SPON1: variants seen among roughly 807,000 people sequenced by gnomAD.
SPON1 encodes the protein spondin-1.
Under a neutral mutation model 111.7 loss-of-function variants are expected in SPON1, and 52 were observed. The observed-to-expected ratio is 0.47, with a 90% CI of 0.37 to 0.59. The LOEUF (loss-of-function observed/expected upper bound fraction) is 0.59, where lower values mean the gene tolerates loss of function less well. SPON1 is among the 20% of genes least tolerant of loss of function. SPON1 has a pLI of 0.00. For missense variants in SPON1, 957 were observed against 1,068.5 expected, an observed-to-expected ratio of 0.90 and a Z score of 1.46; for synonymous variants, 410 against 395.8, an observed-to-expected ratio of 1.04 and a Z score of -0.43.
intron 5 of SPON1, among the ~76,000 whole-genome samples, chr11:14,098,239 G>A (rs373202555): frequency 2.2e-4 from 33 of 152,286 alleles, no homozygotes; most frequent in African/African-American, 5.3e-4. Context: ...CTTGTGATCC[G>A]CCTGCCTCGG....
At chr11:14,101,043 T>C (rs1026185586) in intron 5 of SPON1, among the ~76,000 whole-genome samples, 1 of 152,236 alleles carries the variant, frequency 6.6e-6, no homozygotes, top group African/African-American at 2.4e-5. Flanking sequence ...TGTTTTTTGC[T>C]GTCTCTTTGA....
intron 3 of SPON1, among the ~76,000 whole-genome samples, chr11:14,048,876 C>T (rs55736726): frequency 0.095 from 14,529 of 152,248 alleles, 772 homozygotes; most frequent in Middle Eastern, 0.14. Flanking sequence ...CTTGTCCCTT[C>T]CTGGAAGGGT....
Position 14,244,181 on chromosome 11 carries a change from C to A in SPON1, c.890+785C>A, listed in dbSNP as rs1443428134. On this transcript the variant is annotated intron_variant, in intron 7 of 15. Transcript: ENST00000576479. Reference sequence around the variant, plus strand: ...CACCTTTTTCCTTTGCTGTAGTCTCCCTCAGTCCAATTCCTCATCCACAGT... The same window carrying A: ...CACCTTTTTCCTTTGCTGTAGTCTCACTCAGTCCAATTCCTCATCCACAGT... Among the ~76,000 whole-genome samples the A allele has an allele frequency of 2.6e-5, 4 of 152,250 alleles. No homozygotes were observed. In the South Asian group the frequency reaches 8.3e-4, roughly 32 times the overall value.
At chr11:14,234,966 G>C (rs1362489095) in intron 6 of SPON1, among the ~76,000 whole-genome samples, 1 of 152,234 alleles carries the variant, frequency 6.6e-6, no homozygotes, top group Non-Finnish European at 1.5e-5. Context: ...ACGGGGCATA[G>C]AATGAGCACT....
chr11:14,089,008 T>A (rs1849029187), intron 5 of SPON1, among the ~76,000 whole-genome samples: 1 of 151,996 alleles, frequency 6.6e-6, no homozygotes, highest in Non-Finnish European at 1.5e-5. Flanking sequence ...CTAAACTGGT[T>A]ATTCTAGTTA....
At chr11:14,012,849 G>A (rs1848416494) in intron 2 of SPON1, among the ~76,000 whole-genome samples, 2 of 152,090 alleles carry the variant, frequency 1.3e-5, no homozygotes, top group South Asian at 4.1e-4. Context: ...TTGGCTCTCG[G>A]TAGTTAATAA....
chr11:14,134,483 C>A (rs1847567581), intron 5 of SPON1, among the ~76,000 whole-genome samples: 1 of 152,178 alleles, frequency 6.6e-6, no homozygotes, highest in African/African-American at 2.4e-5. Context: ...CCACTGCAGC[C>A]ACCATCCCAT....
At position 14,117,025 on chromosome 11, in the gene SPON1, A is replaced by G. The variant is rs112933101; in HGVS notation, c.677-18395A>G. Among the ~76,000 whole-genome samples the G allele has an allele frequency of 6.9e-3, 1,058 of 152,312 alleles. 10 individuals are homozygous for G. Among genetic ancestry groups the G allele is most frequent in the African/African-American group, 0.025 (1,019 of 41,584 alleles). Reference sequence around the variant, plus strand: ...TTCCAGTTGTTTGTCACTGGTATATAGGAATAAAATTGACTTTTGTATTTT... The same window carrying G: ...TTCCAGTTGTTTGTCACTGGTATATGGGAATAAAATTGACTTTTGTATTTT... On this transcript the variant is annotated intron_variant, in intron 5 of 15. Coordinates refer to ENST00000576479, the MANE Select transcript of SPON1 (RefSeq NM_006108.4).
intron 5 of SPON1, among the ~76,000 whole-genome samples, chr11:14,094,509 T>C (rs1268126553): frequency 2.6e-5 from 4 of 152,170 alleles, no homozygotes; most frequent in Non-Finnish European, 5.9e-5. Context: ...ATTAATCTTA[T>C]TTTAAATTGG....
intron 6 of SPON1, among the ~76,000 whole-genome samples, chr11:14,150,893 G>A (rs1847779859): frequency 6.6e-6 from 1 of 152,168 alleles, no homozygotes; most frequent in Non-Finnish European, 1.5e-5. Flanking sequence ...CTCAGTAGAT[G>A]CTAAAATTAC....
chr11:13,969,421 G>C (rs1564875739), intron 1 of SPON1, among the ~76,000 whole-genome samples: 1 of 151,942 alleles, frequency 6.6e-6, no homozygotes, highest in Non-Finnish European at 1.5e-5. Context: ...GGAGTGCTGG[G>C]GTGTGTATGT....
At chr11:14,243,503 C>G (rs1554939944) in intron 7 of SPON1, 107 bp downstream of exon 7, 2 of 919,510 alleles carry the variant, frequency 2.2e-6, no homozygotes, top group Non-Finnish European at 3.5e-6. Context: ...GTTAGCACTA[C>G]TTCTCAGTTA....
At chr11:14,160,257 G>A (rs151195881) in intron 6 of SPON1, among the ~76,000 whole-genome samples, 3 of 145,052 alleles carry the variant, frequency 2.1e-5, no homozygotes, top group African/African-American at 7.6e-5. Flanking sequence ...ATAAACTCAG[G>A]ATGTTTTATC....
chr11:14,168,747 TGG>T (rs1848063421), intron 6 of SPON1, among the ~76,000 whole-genome samples: 1 of 150,550 alleles, frequency 6.6e-6, no homozygotes, highest in Non-Finnish European at 1.5e-5. Context: ...TGAGAACATG[TGG>T]TGTTTGGTTT....
In SPON1 at chr11:14,255,729, C is replaced by T. The variant is rs782026216; in HGVS notation, c.1175C>T (p.Pro392Leu). The T allele has an allele frequency of 6.2e-6, 10 of 1,613,760 alleles. No individual in the cohort carries two copies. In the South Asian group the frequency reaches 9.9e-5, roughly 16 times the overall value. The stretch of plus-strand genomic sequence containing the variant: ...CATCCTCAGAGTCCTTTCTATGACC[C>T]AGAGGGTGGGTCCATCACTCAAGTA... ...LDHPQSPFYD[P>L]EGGSITQVAR... Residue 392 changes from proline to leucine, a missense_variant, in exon 9 of 16, where the codon CCA (proline) becomes CTA (leucine). By Grantham distance (98) the Pro-to-Leu change is moderately conservative. Around this residue, in one of 5 missense-constraint regions of SPON1, gnomAD observed 549 missense variants for 606.2 expected, o/e 0.91. Coordinates refer to ENST00000576479, the MANE Select transcript of SPON1 (RefSeq NM_006108.4).
chr11:14,076,375 G>T (rs1394618409), intron 4 of SPON1, among the ~76,000 whole-genome samples: 1 of 152,158 alleles, frequency 6.6e-6, no homozygotes, highest in African/African-American at 2.4e-5. Flanking sequence ...CTAAGAAAAA[G>T]AAAGGTTGAT....
At chr11:14,137,182 T>A (rs1286544047) in intron 6 of SPON1, among the ~76,000 whole-genome samples, 17 of 152,320 alleles carry the variant, frequency 1.1e-4, no homozygotes, top group African/African-American at 4.1e-4. Flanking sequence ...TAACTGGAAC[T>A]ATATTGTGCT....
intron 5 of SPON1, among the ~76,000 whole-genome samples, chr11:14,081,425 AT>A (rs781817236): frequency 1.6e-4 from 24 of 152,188 alleles, no homozygotes; most frequent in Non-Finnish European, 1.3e-4. Flanking sequence ...ATAGTGTTTA[AT>A]CCTCAAAGTA....
At chr11:13,993,001 C>T (rs1848243191) in intron 2 of SPON1, among the ~76,000 whole-genome samples, 1 of 152,098 alleles carries the variant, frequency 6.6e-6, no homozygotes, top group African/African-American at 2.4e-5. Context: ...TCCTATTCAG[C>T]CATCTTGCCA....
Sources: allele counts gnomAD v4.1 joint callset (sites outside exome capture counted in the v4.1 genomes callset), GRCh38; gene constraint gnomAD v4.1.1; regional missense constraint gnomAD v4.1.1; transcripts MANE v1.5; gene names NCBI Gene and HGNC (gene_info 2026-07-23, HGNC 2026-07-21).